Variants in PAFAH1B2 observed in about 807,000 individuals in gnomAD.
The protein encoded by PAFAH1B2 is platelet activating factor acetylhydrolase 1b catalytic subunit 2.
PAFAH1B2 carries 8 observed loss-of-function variants against 28.0 expected under a neutral mutation model. That is an observed-to-expected ratio of 0.29 (90% CI 0.17 to 0.52). The LOEUF (loss-of-function observed/expected upper bound fraction) is 0.52. Ranked by LOEUF, PAFAH1B2 falls within the 20% of genes least tolerant of loss-of-function variation. PAFAH1B2 has a pLI of 0.97. For synonymous variants in PAFAH1B2, 104 were observed against 103.2 expected (o/e 1.01, Z -0.05); for missense variants, 190 against 282.6 (o/e 0.67, Z 2.35).
At position 117,169,310 on chromosome 11, in the gene PAFAH1B2, GA is replaced by G. The variant is rs1956592573; in HGVS notation, c.*1612del. ...TAAGAACTGCCATTAAAAAAAATGG[GA>G]TAATAGATGATTTTATCAGTATACC... On this transcript the variant is annotated 3_prime_UTR_variant, in exon 6 of 6. Coordinates refer to ENST00000527958, the MANE Select transcript of PAFAH1B2 (RefSeq NM_002572.4). The G allele has an allele frequency of 9.6e-7, 1 of 1,044,840 alleles. No homozygotes were observed. 64.7% of individuals were successfully genotyped at this position (1,044,840 alleles called of 1,614,324 possible). A position where few individuals can be genotyped will look rare whatever the true frequency, so the allele number is the denominator to read the frequency against.
rs1201743507 is a variant in PAFAH1B2, at chr11:117,168,814, A to G, written c.*1115A>G. ...TGTTTTTTGTTTTGTTTTGTTTGAG[A>G]TGGAGTTTCACTGTTGCCCAGGCTG... On this transcript the variant is annotated 3_prime_UTR_variant, in exon 6 of 6. Transcript: ENST00000527958. 2.2e-6 allele frequency: 2 copies of G among 907,326 alleles called. No homozygotes were observed. The highest frequency in any genetic ancestry group is 5.7e-5 in the Admixed American group (1 of 17,438). The allele number at this position is 907,326 out of a possible 1,614,324, so 56.2% of individuals were successfully genotyped here.
intron 5 of PAFAH1B2, among the ~76,000 whole-genome samples, chr11:117,164,802 G>A (rs1956464371): frequency 1.3e-5 from 2 of 151,730 alleles, no homozygotes; most frequent in Non-Finnish European, 2.9e-5. Flanking sequence ...TTGGGAGGCC[G>A]AGGCGGGTGG....
At chr11:117,144,890 C>A (rs1409453993) in intron 1 of PAFAH1B2, among the ~76,000 whole-genome samples, 2 of 152,226 alleles carry the variant, frequency 1.3e-5, no homozygotes, top group Admixed American at 1.3e-4. Flanking sequence ...TCTCACTCTT[C>A]TCTCCCCTCG....
downstream of PAFAH1B2, among the ~76,000 whole-genome samples, chr11:117,174,669 G>T (rs762590030): frequency 9.2e-5 from 14 of 152,046 alleles, no homozygotes; most frequent in African/African-American, 1.7e-4. Context: ...GTAGAGACAG[G>T]GTTTCTCCAT....
Position 117,170,763 on chromosome 11 carries a change from C to T in PAFAH1B2, c.*3064C>T. On this transcript the variant is annotated 3_prime_UTR_variant, in exon 6 of 6. Coordinates refer to ENST00000527958, the MANE Select transcript of PAFAH1B2 (RefSeq NM_002572.4). ...AGCATTGCCAACTTTATATTTATTG[C>T]AGTGAAGAAGAAACTAAAAATATAT... The T allele has an allele frequency of 1.9e-6, 2 of 1,058,496 alleles. No homozygotes were observed. The highest frequency in any genetic ancestry group is 2.3e-6 in the Non-Finnish European group (2 of 875,356). 65.6% of individuals were successfully genotyped at this position (1,058,496 alleles called of 1,614,324 possible). A position where few individuals can be genotyped will look rare whatever the true frequency, so the allele number is the denominator to read the frequency against.
At position 117,170,934 on chromosome 11, in the gene PAFAH1B2, C is replaced by G. The variant is rs1198726312; in HGVS notation, c.*3235C>G. 8 of 1,057,682 alleles carry G rather than the reference C, an allele frequency of 7.6e-6. No homozygotes were observed. The highest frequency in any genetic ancestry group is 9.1e-6 in the Non-Finnish European group (8 of 874,452). The allele number at this position is 1,057,682 out of a possible 1,614,324, so 65.5% of individuals were successfully genotyped here. On this transcript the variant is annotated 3_prime_UTR_variant, in exon 6 of 6. Coordinates refer to ENST00000527958, the MANE Select transcript of PAFAH1B2 (RefSeq NM_002572.4). ...CTTGGGGATCACTGCTGCTAGCTGACTGGACCTCCCCATTGGAAGTTTGTG... is the reference window on the plus strand; with the variant it reads ...CTTGGGGATCACTGCTGCTAGCTGAGTGGACCTCCCCATTGGAAGTTTGTG...
At chr11:117,174,413 AC>A (rs1408806716), downstream of PAFAH1B2, among the ~76,000 whole-genome samples, 1 of 151,420 alleles carries the variant, frequency 6.6e-6, no homozygotes, top group Admixed American at 6.6e-5. Context: ...CAAACTCCTG[AC>A]CTCAGGTGAT....
At chr11:117,150,882 GGAGGCT>G (rs1419256673) in intron 1 of PAFAH1B2, among the ~76,000 whole-genome samples, 2 of 151,836 alleles carry the variant, frequency 1.3e-5, no homozygotes, top group African/African-American at 4.8e-5. Flanking sequence ...CAGCTACTTG[GGAGGCT>G]GAGGCAGGAG....
intron 4 of PAFAH1B2, among the ~76,000 whole-genome samples, chr11:117,162,308 A>G (rs1956392148): frequency 6.6e-6 from 1 of 152,036 alleles, no homozygotes; most frequent in South Asian, 2.1e-4. Context: ...TAATTTTTAA[A>G]TTTCTTTTTG....
intron 1 of PAFAH1B2, among the ~76,000 whole-genome samples, chr11:117,144,840 C>T (rs898472300): frequency 6.6e-6 from 1 of 151,812 alleles, no homozygotes; most frequent in African/African-American, 2.4e-5. Flanking sequence ...CTGCCCGGGT[C>T]TCCGCTGCTG....
At chr11:117,155,154 C>T (rs528906811) in intron 2 of PAFAH1B2, among the ~76,000 whole-genome samples, 18 of 152,106 alleles carry the variant, frequency 1.2e-4, no homozygotes, top group East Asian at 1.9e-4. Flanking sequence ...GAGGTTTCCC[C>T]GTGTTGGTCA....
intron 1 of PAFAH1B2, among the ~76,000 whole-genome samples, chr11:117,146,058 A>C (rs1022963651): frequency 1.3e-5 from 2 of 151,944 alleles, no homozygotes; most frequent in African/African-American, 4.8e-5. Context: ...TGTTGTGGCA[A>C]ATTAACAAAA....
At chr11:117,151,608 G>T (rs1956153573) in intron 1 of PAFAH1B2, among the ~76,000 whole-genome samples, 1 of 152,088 alleles carries the variant, frequency 6.6e-6, no homozygotes, top group Non-Finnish European at 1.5e-5. Flanking sequence ...CAGTGCCAAG[G>T]CCTATGACTA....
At chr11:117,175,081 C>T, downstream of PAFAH1B2, 1 of 1,279,944 alleles carries the variant, frequency 7.8e-7, no homozygotes, top group Non-Finnish European at 9.9e-7. Context: ...GTCCATTCAA[C>T]ACTCAGGCTC....
intron 1 of PAFAH1B2, among the ~76,000 whole-genome samples, chr11:117,146,837 TG>T (rs775326084): frequency 0.1 from 5,784 of 55,938 alleles, 412 homozygotes; most frequent in African/African-American, 0.23. Flanking sequence ...CCCCATCTAT[TG>T]GAAAAAAAAA....
chr11:117,169,130 G>A lies in PAFAH1B2; in HGVS notation c.*1431G>A, dbSNP rs1008031406. On this transcript the variant is annotated 3_prime_UTR_variant, in exon 6 of 6. Coordinates refer to ENST00000527958, the MANE Select transcript of PAFAH1B2 (RefSeq NM_002572.4). ...TTTAAATTATCCTCCAAAAATTTTG[G>A]GCCTTTTTCTGTGGGGAAACAAGTG... 1 of 1,023,642 alleles carries A rather than the reference G, an allele frequency of 9.8e-7. No individual in the cohort carries two copies. Among genetic ancestry groups the A allele is most frequent in the African/African-American group, 1.7e-5 (1 of 58,674 alleles). 63.4% of individuals were successfully genotyped at this position (1,023,642 alleles called of 1,614,324 possible).
In PAFAH1B2 at chr11:117,163,903, G is replaced by T. The variant is rs7122944; in HGVS notation, c.411+11G>T. The T allele has an allele frequency of 0.86, 1,390,471 of 1,612,092 alleles. 605,935 individuals carry two copies. The highest frequency in any genetic ancestry group is 0.9 in the African/African-American group (67,555 of 74,930). On this transcript the variant is annotated intron_variant, in intron 5 of 5. Transcript: ENST00000527958. ...AAAATCATTGTATTGGTATGTAGTC[G>T]TTGGTGGGTAGAGAGTTTGTTATCT...
chr11:117,149,139 T>C (rs1002143548), intron 1 of PAFAH1B2, among the ~76,000 whole-genome samples: 2 of 150,200 alleles, frequency 1.3e-5, no homozygotes, highest in African/African-American at 4.9e-5. Context: ...TGCCTCGGGC[T>C]CCCAAAGTGT....
downstream of PAFAH1B2, among the ~76,000 whole-genome samples, chr11:117,177,683 C>T (rs1012173378): frequency 2.6e-5 from 4 of 152,206 alleles, no homozygotes; most frequent in South Asian, 2.1e-4. Context: ...TACAGGCACG[C>T]GTCACCACGC....
Sources: allele counts gnomAD v4.1 joint callset (sites outside exome capture counted in the v4.1 genomes callset), GRCh38; gene constraint gnomAD v4.1.1; transcripts MANE v1.5; gene names NCBI Gene and HGNC (gene_info 2026-07-23, HGNC 2026-07-21).